GRID2: variants seen among roughly 807,000 people sequenced by gnomAD.
GRID2 encodes the protein glutamate receptor ionotropic, delta-2.
Under a neutral mutation model 114.8 loss-of-function variants are expected in GRID2, and 33 were observed. The observed-to-expected ratio is 0.29, with a 90% confidence interval of 0.22 to 0.38. The LOEUF is 0.38. Ranked by LOEUF, GRID2 falls within the 10% of genes least tolerant of loss-of-function variation. The pLI, the probability that GRID2 is intolerant of heterozygous loss-of-function variation, is 1.00. For missense variants in GRID2, 1,184 were observed against 1,257.7 expected (o/e 0.94, Z 0.89); for synonymous variants, 505 against 449.9 (o/e 1.12, Z -1.55).
intron 2 of GRID2, among the ~76,000 whole-genome samples, chr4:93,027,210 T>C (rs1326374513): frequency 6.6e-6 from 1 of 152,096 alleles, no homozygotes; most frequent in Non-Finnish European, 1.5e-5. Context: ...GATTACATTA[T>C]TAGTTATTTA....
chr4:93,559,321 T>G (rs558139181), intron 13 of GRID2, among the ~76,000 whole-genome samples: 1 of 152,170 alleles, frequency 6.6e-6, no homozygotes, highest in African/African-American at 2.4e-5. Context: ...GGGAGAAAAT[T>G]TTTGCAATCT....
At chr4:92,662,277 C>T (rs1265123855) in intron 2 of GRID2, among the ~76,000 whole-genome samples, 1 of 150,870 alleles carries the variant, frequency 6.6e-6, no homozygotes, top group Non-Finnish European at 1.5e-5. Context: ...TATTAACGGG[C>T]CTCTAAGTAG....
chr4:93,034,744 T>A (rs2149261536), intron 2 of GRID2, among the ~76,000 whole-genome samples: 1 of 152,212 alleles, frequency 6.6e-6, no homozygotes, highest in South Asian at 2.1e-4. Flanking sequence ...CAGAAAAAAA[T>A]CACCAGAGAA....
chr4:93,332,420 T>C (rs911243720), intron 8 of GRID2, among the ~76,000 whole-genome samples: 11 of 151,808 alleles, frequency 7.2e-5, no homozygotes, highest in African/African-American at 1.9e-4. Context: ...CCTTTCTGTA[T>C]CCACGCAGCC....
At chr4:92,980,008 T>C (rs1754093578) in intron 2 of GRID2, among the ~76,000 whole-genome samples, 2 of 152,148 alleles carry the variant, frequency 1.3e-5, no homozygotes, top group Admixed American at 1.3e-4. Context: ...CAGGAGTCTT[T>C]TTATTTGCTG....
chr4:93,596,844 T>C (rs1202473105), intron 13 of GRID2, among the ~76,000 whole-genome samples: 3 of 152,218 alleles, frequency 2.0e-5, no homozygotes, highest in Admixed American at 2.0e-4. Context: ...ATGAGGTTCT[T>C]CTACATACAA....
intron 11 of GRID2, among the ~76,000 whole-genome samples, chr4:93,471,383 G>C (rs1724786741): frequency 6.6e-6 from 1 of 152,020 alleles, no homozygotes; most frequent in Non-Finnish European, 1.5e-5. Context: ...TCCCCTTCTA[G>C]TTTTTATCCC....
intron 8 of GRID2, among the ~76,000 whole-genome samples, chr4:93,312,556 G>A (rs1230667806): frequency 6.6e-6 from 1 of 152,130 alleles, no homozygotes; most frequent in Non-Finnish European, 1.5e-5. Context: ...TGAGGGTAGG[G>A]AAGTAAAATT....
chr4:93,000,705 A>C (rs1270649976), intron 2 of GRID2, among the ~76,000 whole-genome samples: 1 of 151,050 alleles, frequency 6.6e-6, no homozygotes, highest in Non-Finnish European at 1.5e-5. Flanking sequence ...GTTAAACCAT[A>C]ATAAGTATGT....
intron 2 of GRID2, among the ~76,000 whole-genome samples, chr4:92,786,098 G>T (rs1305873286): frequency 2.6e-5 from 4 of 151,794 alleles, no homozygotes; most frequent in African/African-American, 7.2e-5. Context: ...ACATGAATCT[G>T]TTGTCCTGAA....
At position 93,139,775 on chromosome 4, in the gene GRID2, G is replaced by C. The variant is rs112880612; in HGVS notation, c.735+28822G>C. Among the ~76,000 whole-genome samples, 1,102 of 150,438 alleles carry C rather than the reference G, an allele frequency of 7.3e-3. 19 individuals are homozygous for C. Among genetic ancestry groups the C allele is most frequent in the African/African-American group, 0.026 (1,053 of 40,918 alleles). ...ACACACACACACACATTCACACACA[G>C]ACACACATAGCTGTAAATTATTGTA... is the stretch of plus-strand genomic sequence containing the variant. On this transcript the variant is annotated intron_variant, in intron 4 of 15. Coordinates refer to ENST00000282020, the MANE Select transcript of GRID2 (RefSeq NM_001510.4).
chr4:93,514,572 G>T (rs1022704969), intron 12 of GRID2, among the ~76,000 whole-genome samples: 1 of 151,982 alleles, frequency 6.6e-6, no homozygotes, highest in Non-Finnish European at 1.5e-5. Context: ...TCTAGCTCTC[G>T]CACTCACTGA....
intron 1 of GRID2, among the ~76,000 whole-genome samples, chr4:92,528,868 T>C (rs1048877839): frequency 1.4e-5 from 2 of 143,874 alleles, no homozygotes; most frequent in African/African-American, 5.1e-5. Context: ...GGATACTTCA[T>C]ACACGGGAAA....
chr4:92,832,806 A>T (rs982845977), intron 2 of GRID2, among the ~76,000 whole-genome samples: 5 of 152,150 alleles, frequency 3.3e-5, no homozygotes, highest in Non-Finnish European at 5.9e-5. Flanking sequence ...ATATAAAATA[A>T]AAATGAAATC....
At chr4:93,508,188 A>G (rs1008884329) in intron 12 of GRID2, among the ~76,000 whole-genome samples, 1 of 142,496 alleles carries the variant, frequency 7.0e-6, no homozygotes, top group Admixed American at 7.2e-5. Flanking sequence ...TAGATTTTTT[A>G]TTTTGTTTTT....
intron 1 of GRID2, among the ~76,000 whole-genome samples, chr4:92,472,419 A>G (rs1199650830): frequency 2.0e-5 from 3 of 152,128 alleles, no homozygotes; most frequent in Non-Finnish European, 4.4e-5. Context: ...ATAGGAACAT[A>G]TGTTTTGAAA....
chr4:93,042,309 A>C (rs868165062), intron 2 of GRID2, among the ~76,000 whole-genome samples: 1,595 of 146,058 alleles, frequency 0.011, 10 homozygotes, highest in African/African-American at 0.012. Context: ...CTATATATAT[A>C]TATATATATA....
intron 8 of GRID2, among the ~76,000 whole-genome samples, chr4:93,277,178 T>G (rs1001879878): frequency 1.3e-5 from 2 of 151,948 alleles, no homozygotes; most frequent in African/African-American, 2.4e-5. Flanking sequence ...AGAAACTTAT[T>G]GTATTTTGTT....
At chr4:92,528,084 G>T (rs1725132159) in intron 1 of GRID2, among the ~76,000 whole-genome samples, 1 of 151,750 alleles carries the variant, frequency 6.6e-6, no homozygotes, top group African/African-American at 2.4e-5. Flanking sequence ...GGCCTTTTCT[G>T]GTAAGTTAGT....
Sources: allele counts gnomAD v4.1 joint callset (sites outside exome capture counted in the v4.1 genomes callset), GRCh38; gene constraint gnomAD v4.1.1; transcripts MANE v1.5; gene names NCBI Gene and HGNC (gene_info 2026-07-23, HGNC 2026-07-21).